Variants in MEI4 observed in about 807,000 individuals in gnomAD.
MEI4 encodes meiotic double-stranded break formation protein 4.
A neutral mutation model predicts 31.4 loss-of-function variants in MEI4; 27 were observed. The observed-to-expected ratio is 0.86, with a 90% CI of 0.63 to 1.19. The LOEUF (loss-of-function observed/expected upper bound fraction) is 1.19. Among genes scored for constraint, MEI4 ranks in the 50% most tolerant of loss-of-function variants. MEI4 has a pLI of 0.00. For synonymous variants in MEI4, 122 were observed against 145.4 expected (o/e 0.84, Z 1.16); for missense variants, 329 against 398.9 (o/e 0.82, Z 1.49).
At chr6:77,898,782 A>C (rs775880071) in intron 4 of MEI4, among the ~76,000 whole-genome samples, 1 of 151,856 alleles carries the variant, frequency 6.6e-6, no homozygotes, top group Admixed American at 6.6e-5. Flanking sequence ...ATTTTTTTTT[A>C]TCCAAGGAAT....
chr6:77,863,324 TA>T (rs1770920670), intron 4 of MEI4, among the ~76,000 whole-genome samples: 1 of 151,878 alleles, frequency 6.6e-6, no homozygotes, highest in African/African-American at 2.4e-5. Context: ...GCAAGGAAGT[TA>T]AAAACCTTGA....
intron 3 of MEI4, among the ~76,000 whole-genome samples, chr6:77,819,608 C>A (rs1265299516): frequency 6.6e-6 from 1 of 152,112 alleles, no homozygotes; most frequent in Non-Finnish European, 1.5e-5. Flanking sequence ...TCCTTTCTTT[C>A]ACCCAATGAA....
At chr6:77,687,597 C>G (rs994920290) in intron 1 of MEI4, among the ~76,000 whole-genome samples, 2 of 152,136 alleles carry the variant, frequency 1.3e-5, no homozygotes, top group African/African-American at 4.8e-5. Context: ...GTTACTTGCA[C>G]TCTGTCTGAC....
chr6:77,805,995 A>G (rs1769424930), intron 3 of MEI4, among the ~76,000 whole-genome samples: 1 of 152,102 alleles, frequency 6.6e-6, no homozygotes, highest in South Asian at 2.1e-4. Context: ...CTAAGAGAAG[A>G]GGGATGAAAA....
intron 2 of MEI4, among the ~76,000 whole-genome samples, chr6:77,755,915 A>C (rs925982868): frequency 2.6e-5 from 4 of 151,914 alleles, no homozygotes; most frequent in African/African-American, 9.7e-5. Context: ...GAGAGACATT[A>C]CCGCAAGCTT....
intron 2 of MEI4, among the ~76,000 whole-genome samples, chr6:77,741,457 T>A (rs1328840151): frequency 1.3e-5 from 2 of 152,018 alleles, no homozygotes; most frequent in Non-Finnish European, 2.9e-5. Context: ...ATAATTGTGG[T>A]AATCAGTTCA....
At chr6:77,861,908 T>G (rs2127721389) in intron 4 of MEI4, among the ~76,000 whole-genome samples, 1 of 152,216 alleles carries the variant, frequency 6.6e-6, no homozygotes, top group South Asian at 2.1e-4. Context: ...TTTTTTATAA[T>G]TAGACCATAT....
chr6:77,680,306 T>G (rs1468937589), intron 1 of MEI4, among the ~76,000 whole-genome samples: 2 of 150,992 alleles, frequency 1.3e-5, no homozygotes, highest in Non-Finnish European at 3.0e-5. Flanking sequence ...AAATAAAAGG[T>G]CTTCTAGTAT....
intron 1 of MEI4, among the ~76,000 whole-genome samples, chr6:77,666,996 A>G (rs1256107791): frequency 6.6e-6 from 1 of 152,122 alleles, no homozygotes; most frequent in Non-Finnish European, 1.5e-5. Flanking sequence ...TATCAAGGTT[A>G]CATTTATTTC....
chr6:77,801,598 C>G (rs535036078), intron 3 of MEI4, among the ~76,000 whole-genome samples: 2 of 152,250 alleles, frequency 1.3e-5, no homozygotes, highest in Non-Finnish European at 2.9e-5. Context: ...AATTTTAGAT[C>G]TTTCCTGCTT....
At chr6:77,823,667 G>A (rs1769879772) in intron 3 of MEI4, among the ~76,000 whole-genome samples, 1 of 80,168 alleles carries the variant, frequency 1.2e-5, no homozygotes, top group African/African-American at 3.3e-5. Context: ...AGGTTGGTTG[G>A]TTTGTTTTAT....
chr6:77,787,635 G>A (rs992232427), intron 3 of MEI4, among the ~76,000 whole-genome samples: 1 of 152,174 alleles, frequency 6.6e-6, no homozygotes, highest in East Asian at 1.9e-4. Context: ...ACCATGCAAG[G>A]CTACACAGGT....
At chr6:77,768,493 AGTTCGAGACCAGCCT>A (rs1317996424) in intron 3 of MEI4, among the ~76,000 whole-genome samples, 1 of 152,126 alleles carries the variant, frequency 6.6e-6, no homozygotes, top group Non-Finnish European at 1.5e-5. Context: ...TGAGGTCAGG[AGTTCGAGACCAGCCT>A]GGCCAACGTG....
chr6:77,835,897 G>A (rs985447046), intron 4 of MEI4, among the ~76,000 whole-genome samples: 5 of 152,004 alleles, frequency 3.3e-5, no homozygotes, highest in African/African-American at 1.2e-4. Context: ...TAAAAGGAAG[G>A]ATGAAGTATC....
chr6:77,758,737 C>G (rs1767971825), intron 2 of MEI4, among the ~76,000 whole-genome samples: 1 of 152,200 alleles, frequency 6.6e-6, no homozygotes, highest in South Asian at 2.1e-4. Flanking sequence ...AGGGCCATGT[C>G]TCACCTGCCA....
chr6:77,894,441 T>C (rs913268281), intron 4 of MEI4, among the ~76,000 whole-genome samples: 2 of 152,154 alleles, frequency 1.3e-5, no homozygotes, highest in African/African-American at 2.4e-5. Context: ...GAATACGGAA[T>C]ACATACAGCT....
intron 4 of MEI4, among the ~76,000 whole-genome samples, chr6:77,859,476 C>T (rs1770819080): frequency 6.6e-6 from 1 of 152,152 alleles, no homozygotes; most frequent in African/African-American, 2.4e-5. Context: ...AATTTACATT[C>T]CCACCAACAG....
intron 3 of MEI4, among the ~76,000 whole-genome samples, chr6:77,811,728 T>A (rs111349655): frequency 6.1e-5 from 9 of 148,676 alleles, no homozygotes; most frequent in African/African-American, 1.7e-4. Context: ...TGAGCCAAAA[T>A]CACACCACTG....
rs1770519123 is a variant in MEI4 at position 77,847,601 on chromosome 6, C to A, written c.900+18539C>A. 6.6e-6 allele frequency among the ~76,000 whole-genome samples: 1 copy of A among 152,062 alleles called. No homozygotes were observed. Among genetic ancestry groups the A allele is most frequent in the Admixed American group, 6.6e-5 (1 of 15,262 alleles). ...AATAATTTTCTGATGCAATCGAAAC[C>A]TAATGCCTTCTATGAAGACTTCTCT... On this transcript the variant is annotated intron_variant, in intron 4 of 4. Coordinates refer to ENST00000684080, the MANE Select transcript of MEI4 (RefSeq NM_001322247.2). The surrounding 1 kb of genome is among the most constrained non-coding windows in gnomAD (Gnocchi z 4.6).
Sources: allele counts gnomAD v4.1 joint callset (sites outside exome capture counted in the v4.1 genomes callset), GRCh38; gene constraint gnomAD v4.1.1; non-coding constraint Gnocchi (gnomAD v3.1); transcripts MANE v1.5; gene names NCBI Gene and HGNC (gene_info 2026-07-23, HGNC 2026-07-21).